Variants in WDR59 observed in about 807,000 individuals in gnomAD.
The protein encoded by WDR59 is GATOR2 complex protein WDR59.
A neutral mutation model predicts 131.2 loss-of-function variants in WDR59; 100 were observed. The ratio of observed to expected loss-of-function variants is 0.76; its 90% CI spans 0.65 to 0.90. The LOEUF (loss-of-function observed/expected upper bound fraction) is 0.90. Ranked by LOEUF, WDR59 falls within the 40% of genes least tolerant of loss-of-function variation. The pLI is 0.00. For missense variants in WDR59, 1,203 were observed against 1,262.2 expected, an observed-to-expected ratio of 0.95 and a Z score of 0.71; for synonymous variants, 601 against 466.2, an observed-to-expected ratio of 1.29 and a Z score of -3.72.
chr16:74,966,758 C>T (rs746974145), intron 1 of WDR59, among the ~76,000 whole-genome samples: 38 of 152,184 alleles, frequency 2.5e-4, no homozygotes, highest in Middle Eastern at 3.2e-3. Flanking sequence ...AGGTCACATT[C>T]GCTCTGAAAT....
Position 74,908,891 on chromosome 16 carries a change from G to C in WDR59, c.1712+17C>G, listed in dbSNP as rs373032554. The C allele has an allele frequency of 6.2e-7, 1 of 1,612,532 alleles. No individual in the cohort carries two copies. ...GCCCCGGGAACGTAGAGCGGCTTCT[G>C]CATCTCCCTGACTCACCTCGGAGTA... On this transcript the variant is annotated intron_variant, in intron 17 of 25. Transcript: ENST00000262144.
At chr16:74,902,844 A>G (rs1003816148) in intron 18 of WDR59, among the ~76,000 whole-genome samples, 2 of 152,172 alleles carry the variant, frequency 1.3e-5, no homozygotes, top group African/African-American at 4.8e-5. Context: ...TGGGTGTTCC[A>G]AGGAGGTCTG....
intron 25 of WDR59, among the ~76,000 whole-genome samples, chr16:74,884,019 T>A (rs945998337): frequency 1.3e-5 from 2 of 152,226 alleles, no homozygotes; most frequent in Admixed American, 6.5e-5. Flanking sequence ...AATGACCCAG[T>A]TGCTCATGCT....
At chr16:74,951,740 G>C (rs1337579835) in intron 3 of WDR59, among the ~76,000 whole-genome samples, 197 bp from the exon 4 acceptor site, 1 of 152,132 alleles carries the variant, frequency 6.6e-6, no homozygotes, top group Non-Finnish European at 1.5e-5. Context: ...CAGTATGTAG[G>C]TCTGTGAATC....
At chr16:74,919,646 A>G (rs537202482) in intron 10 of WDR59, among the ~76,000 whole-genome samples, 3 of 152,050 alleles carry the variant, frequency 2.0e-5, no homozygotes, top group African/African-American at 7.2e-5. Flanking sequence ...CCTGGCCTGG[A>G]ACTCCTTTCT....
At chr16:74,936,411 G>A (rs2031806272) in intron 8 of WDR59, among the ~76,000 whole-genome samples, 1 of 152,118 alleles carries the variant, frequency 6.6e-6, no homozygotes, top group Admixed American at 6.6e-5. Context: ...CAGACTCACA[G>A]GTAGGAAAGA....
chr16:74,889,832 G>A lies in WDR59; in HGVS notation c.2083-17C>T. The A allele has an allele frequency of 6.3e-7, 1 of 1,590,738 alleles. No individual in the cohort carries two copies. Among genetic ancestry groups the A allele is most frequent in the East Asian group, 2.2e-5 (1 of 44,592 alleles). On this transcript the variant is annotated splice_polypyrimidine_tract_variant and intron_variant, in intron 20 of 25. Coordinates refer to ENST00000262144, the MANE Select transcript of WDR59 (RefSeq NM_030581.4). ...CGACCAAACCTGGACAGATCAAAGA[G>A]AAATACAAACTCAAACTGGCAAGGA...
chr16:74,875,096 G>A (rs1964145116), intron 25 of WDR59, among the ~76,000 whole-genome samples: 1 of 152,178 alleles, frequency 6.6e-6, no homozygotes, highest in South Asian at 2.1e-4. Context: ...TGAAAGAACT[G>A]AATGACTCAG....
intron 25 of WDR59, among the ~76,000 whole-genome samples, chr16:74,880,187 CCTGTAATCCCAG>C (rs1419024231): frequency 6.6e-6 from 1 of 152,158 alleles, no homozygotes; most frequent in Admixed American, 6.5e-5. Context: ...GTGGCTCACG[CCTGTAATCCCAG>C]CACTTTGGGA....
At chr16:74,899,216 G>A (rs533384795) in intron 18 of WDR59, among the ~76,000 whole-genome samples, 4 of 152,112 alleles carry the variant, frequency 2.6e-5, no homozygotes, top group African/African-American at 4.8e-5. Flanking sequence ...CTTCCCAAAG[G>A]ATAAAAGCTA....
Position 74,873,972 on chromosome 16 carries a change from C to G in WDR59, c.*237G>C. The G allele has an allele frequency of 1.9e-6, 1 of 526,970 alleles. No homozygotes were observed. The highest frequency in any genetic ancestry group is 2.3e-5 in the South Asian group (1 of 43,010). The allele number at this position is 526,970 out of a possible 1,614,324, so 32.6% of individuals were successfully genotyped here. ...TAGCTCAGCCGACATAGACAACACA[C>G]AAAGCGCAGCTCTGCACTTCTGTCC... On this transcript the variant is annotated 3_prime_UTR_variant, in exon 26 of 26. Coordinates refer to ENST00000262144, the MANE Select transcript of WDR59 (RefSeq NM_030581.4).
chr16:74,943,257 T>C (rs981784805), intron 6 of WDR59, among the ~76,000 whole-genome samples: 24 of 150,878 alleles, frequency 1.6e-4, no homozygotes, highest in African/African-American at 5.2e-4. Flanking sequence ...TTTTTTTTAA[T>C]TGTTGAGCAA....
rs1029417699 is a variant in WDR59 at position 74,877,133 on chromosome 16, C to T, written c.2690-2689G>A. Among the ~76,000 whole-genome samples the T allele has an allele frequency of 9.2e-5, 14 of 152,134 alleles. 1 individual carries two copies. Among genetic ancestry groups the T allele is most frequent in the East Asian group, 1.9e-4 (1 of 5,186 alleles). ...GGGAAATGTTCCAGTTTTATTAAAA[C>T]GATCAATCAACGCGGTGAGGGTATT... On this transcript the variant is annotated intron_variant, in intron 25 of 25. Coordinates refer to ENST00000262144, the MANE Select transcript of WDR59 (RefSeq NM_030581.4).
intron 1 of WDR59, among the ~76,000 whole-genome samples, chr16:74,969,335 C>G (rs1423711203): frequency 6.7e-6 from 1 of 150,188 alleles, no homozygotes; most frequent in Admixed American, 6.6e-5. Context: ...TGCAATGGCA[C>G]GATCTTGGCT....
chr16:74,911,021 G>A (rs1052301222), intron 14 of WDR59, among the ~76,000 whole-genome samples: 5 of 152,156 alleles, frequency 3.3e-5, no homozygotes, highest in Admixed American at 6.5e-5. Flanking sequence ...GCGCCACCAC[G>A]CCTGGCTACT....
intron 25 of WDR59, among the ~76,000 whole-genome samples, chr16:74,874,951 T>G (rs1410484461): frequency 6.6e-6 from 1 of 151,978 alleles, no homozygotes; most frequent in African/African-American, 2.4e-5. Context: ...ACCCAGCTGC[T>G]GAGTACTGTA....
At position 74,985,055 on chromosome 16, in the gene WDR59, C is replaced by T. The variant is rs1487864410; in HGVS notation, c.-38G>A. The T allele has an allele frequency of 6.5e-7, 1 of 1,541,802 alleles. No homozygotes were observed. Among genetic ancestry groups the T allele is most frequent in the South Asian group, 1.2e-5 (1 of 84,222 alleles). On this transcript the variant is annotated 5_prime_UTR_variant, in exon 1 of 26. Coordinates refer to ENST00000262144, the MANE Select transcript of WDR59 (RefSeq NM_030581.4). ...GCCGCCGCGGCCCCAGGACGGCGCCCTCCCACCCCGCCGTCCCCAGTATCC... is the reference window on the plus strand; with the variant it reads ...GCCGCCGCGGCCCCAGGACGGCGCCTTCCCACCCCGCCGTCCCCAGTATCC...
At chr16:74,963,979 CCCAGCAGTTCAAGA>C (rs1567436767) in intron 2 of WDR59, among the ~76,000 whole-genome samples, 1 of 151,460 alleles carries the variant, frequency 6.6e-6, no homozygotes, top group Non-Finnish European at 1.5e-5. Context: ...ATTACTTGAG[CCCAGCAGTTCAAGA>C]CCAGCCTGGG....
chr16:74,950,346 A>G (rs1465313151), intron 4 of WDR59, among the ~76,000 whole-genome samples: 2 of 152,168 alleles, frequency 1.3e-5, no homozygotes, highest in Non-Finnish European at 2.9e-5. Context: ...CAAACAAACA[A>G]ACAAACAAAC....
Sources: allele counts gnomAD v4.1 joint callset (sites outside exome capture counted in the v4.1 genomes callset), GRCh38; gene constraint gnomAD v4.1.1; transcripts MANE v1.5; gene names NCBI Gene and HGNC (gene_info 2026-07-23, HGNC 2026-07-21).